DGKH: variants seen among roughly 807,000 people sequenced by gnomAD.
The protein encoded by DGKH is diacylglycerol kinase eta.
A neutral mutation model predicts 159.3 loss-of-function variants in DGKH; 90 were observed. The ratio of observed to expected loss-of-function variants is 0.57; its 90% CI spans 0.48 to 0.67. The LOEUF (loss-of-function observed/expected upper bound fraction) is 0.67, where lower values mean the gene tolerates loss of function less well. Ranked by LOEUF, DGKH falls within the 30% of genes least tolerant of loss-of-function variation. The pLI is 0.00. For synonymous variants in DGKH, 536 were observed against 553.8 expected (o/e 0.97, Z 0.45); for missense variants, 1,181 against 1,506.1 (o/e 0.78, Z 3.57).
chr13:42,128,277 A>T (rs1955212983), intron 2 of DGKH, among the ~76,000 whole-genome samples: 1 of 152,226 alleles, frequency 6.6e-6, no homozygotes, highest in African/African-American at 2.4e-5. Context: ...ATTTCTGGCT[A>T]CTGTGCCAGT....
chr13:42,223,736 G>C (rs1306576549), intron 29 of DGKH, among the ~76,000 whole-genome samples: 2 of 151,624 alleles, frequency 1.3e-5, no homozygotes, highest in Non-Finnish European at 2.9e-5. Context: ...ACTCCAGCTT[G>C]GGCGACAGAG....
chr13:42,214,399 G>A (rs959434400), intron 24 of DGKH, 108 bp from the exon 25 acceptor site: 1 of 1,025,898 alleles, frequency 9.7e-7, no homozygotes, highest in African/African-American at 1.6e-5. Context: ...CTTCCATACT[G>A]ATCTTCATAT....
At chr13:42,077,787 CA>C (rs962970160) in intron 1 of DGKH, among the ~76,000 whole-genome samples, 3 of 152,184 alleles carry the variant, frequency 2.0e-5, no homozygotes, top group African/African-American at 7.2e-5. Context: ...ACTTCCATTC[CA>C]ACCAAATAGA....
chr13:42,061,777 A>G (rs567427652), intron 1 of DGKH, among the ~76,000 whole-genome samples: 2 of 152,312 alleles, frequency 1.3e-5, no homozygotes, highest in East Asian at 1.9e-4. Context: ...TGACCTTTCT[A>G]TTCATTCAAC....
chr13:42,118,274 T>G (rs1955000913), intron 1 of DGKH, among the ~76,000 whole-genome samples: 1 of 152,162 alleles, frequency 6.6e-6, no homozygotes, highest in South Asian at 2.1e-4. Flanking sequence ...CCATTTCCCC[T>G]CAATCAGGGG....
At chr13:42,133,555 G>A (rs958461338) in intron 3 of DGKH, among the ~76,000 whole-genome samples, 6 of 152,062 alleles carry the variant, frequency 3.9e-5, no homozygotes, top group Admixed American at 1.3e-4. Flanking sequence ...AATTAGCCAG[G>A]TGTAGTGGTG....
rs754100631 is a variant in DGKH at position 42,235,025 on chromosome 13, A to G, written c.*5837A>G. 2.6e-5 allele frequency: 4 copies of G among 152,210 alleles called. No homozygotes were observed. The highest frequency in any genetic ancestry group is 7.2e-5 in the African/African-American group (3 of 41,454). 9.4% of individuals were successfully genotyped at this position (152,210 alleles called of 1,614,324 possible). A position where few individuals can be genotyped will look rare whatever the true frequency, so the allele number is the denominator to read the frequency against. Reference sequence around the variant, plus strand: ...TTTGGAGACATTTATGTTAGAAGAAAAACTATAAAGTTTTATCATTGTAGA... The same window carrying G: ...TTTGGAGACATTTATGTTAGAAGAAGAACTATAAAGTTTTATCATTGTAGA... On this transcript the variant is annotated 3_prime_UTR_variant, in exon 30 of 30. Coordinates refer to ENST00000337343, the MANE Select transcript of DGKH (RefSeq NM_178009.5).
chr13:42,135,903 T>C (rs1042607487), intron 3 of DGKH, among the ~76,000 whole-genome samples: 1 of 152,220 alleles, frequency 6.6e-6, no homozygotes, highest in Non-Finnish European at 1.5e-5. Context: ...CTTTTCTCAC[T>C]AATCATGATA....
intron 9 of DGKH, among the ~76,000 whole-genome samples, chr13:42,167,697 T>A (rs942100781): frequency 1.3e-5 from 2 of 152,198 alleles, no homozygotes; most frequent in African/African-American, 4.8e-5. Context: ...ACCTTCTTTG[T>A]CTCTGCCATG....
chr13:42,083,328 G>T (rs1323750559), intron 1 of DGKH, among the ~76,000 whole-genome samples: 1 of 151,620 alleles, frequency 6.6e-6, no homozygotes, highest in African/African-American at 2.4e-5. Context: ...CGAGGGTGTG[G>T]TGATACTGTA....
intron 12 of DGKH, among the ~76,000 whole-genome samples, chr13:42,177,299 T>G (rs1405419894): frequency 6.6e-6 from 1 of 152,228 alleles, no homozygotes; most frequent in Non-Finnish European, 1.5e-5. Flanking sequence ...TCTCATTTGT[T>G]TCTGGATTCT....
Position 42,097,995 on chromosome 13 carries a change from T to C in DGKH, c.193-29468T>C, listed in dbSNP as rs192967034. 2.6e-5 allele frequency among the ~76,000 whole-genome samples: 4 copies of C among 152,328 alleles called. No homozygotes were observed. In the East Asian group the frequency reaches 5.8e-4, roughly 22 times the overall value. ...TGCTAAGTCAATTCTCAGCCATCCA[T>C]CTGCTTTATATCTTACAAAATCTTC... On this transcript the variant is annotated intron_variant, in intron 1 of 29. Transcript: ENST00000337343.
intron 1 of DGKH, among the ~76,000 whole-genome samples, chr13:42,052,170 A>G (rs75347176): frequency 6.6e-6 from 1 of 152,344 alleles, no homozygotes. Flanking sequence ...GTTTTTAAGT[A>G]AAGAATGGAA....
chr13:42,134,570 T>C (rs1171112999), intron 3 of DGKH, among the ~76,000 whole-genome samples: 1 of 152,190 alleles, frequency 6.6e-6, no homozygotes, highest in Non-Finnish European at 1.5e-5. Flanking sequence ...GGTCTTACAA[T>C]ATAAATAAAT....
intron 3 of DGKH, among the ~76,000 whole-genome samples, chr13:42,149,211 G>C (rs1188843083): frequency 1.3e-5 from 2 of 152,104 alleles, no homozygotes; most frequent in Non-Finnish European, 2.9e-5. Flanking sequence ...TTACAGACAT[G>C]AGGCATCGCT....
chr13:42,255,098 A>G (rs926929392), intron 30 of DGKH, among the ~76,000 whole-genome samples: 1 of 151,502 alleles, frequency 6.6e-6, no homozygotes, highest in African/African-American at 2.4e-5. Context: ...AGAAAATTTA[A>G]TATTATATAA....
Position 42,092,943 on chromosome 13 carries a change from G to C in DGKH, c.193-34520G>C, listed in dbSNP as rs139648360. Among the ~76,000 whole-genome samples the C allele has an allele frequency of 8.5e-5, 13 of 152,100 alleles. No individual in the cohort carries two copies. In the East Asian group the frequency reaches 2.5e-3, roughly 29 times the overall value. On this transcript the variant is annotated intron_variant, in intron 1 of 29. Transcript: ENST00000337343. ...GTATACAAATCATCAGCAAGCACAC[G>C]AAAAGATGCTCAGCATTGGCCGGGC...
intron 1 of DGKH, among the ~76,000 whole-genome samples, chr13:42,051,748 C>G (rs1030056161): frequency 6.9e-6 from 1 of 145,628 alleles, no homozygotes; most frequent in Non-Finnish European, 1.5e-5. Context: ...CAGCCTCCAC[C>G]TCCCAGGTTC....
intron 1 of DGKH, among the ~76,000 whole-genome samples, chr13:42,100,837 A>G (rs1350156367): frequency 6.6e-6 from 1 of 152,198 alleles, no homozygotes; most frequent in Non-Finnish European, 1.5e-5. Flanking sequence ...TGCTAGAGTT[A>G]ATTTTCTTAA....
Sources: gnomAD v4.1 joint callset for allele counts (sites outside exome capture counted in the v4.1 genomes callset) on GRCh38, gnomAD v4.1.1 for gene constraint, MANE v1.5 for transcripts, NCBI Gene and HGNC (gene_info 2026-07-23, HGNC 2026-07-21) for gene names.